Variants in PHLPP1 observed in about 807,000 individuals in gnomAD.
PHLPP1 encodes PH domain and leucine rich repeat protein phosphatase 1.
PHLPP1 carries 42 observed loss-of-function variants against 117.2 expected under a neutral mutation model. That is an observed-to-expected ratio of 0.36 (90% confidence interval 0.28 to 0.46). The LOEUF is 0.46. Among genes scored for constraint, PHLPP1 ranks in the 20% least tolerant of loss-of-function variants. The pLI, the probability that PHLPP1 is intolerant of heterozygous loss-of-function variation, is 1.00. For synonymous variants in PHLPP1, 1,042 were observed against 970.7 expected, an observed-to-expected ratio of 1.07 and a Z score of -1.37; for missense variants, 2,084 against 2,241.9, an observed-to-expected ratio of 0.93 and a Z score of 1.42.
chr18:62,727,957 G>C (rs1490611092), intron 1 of PHLPP1, among the ~76,000 whole-genome samples: 1 of 152,012 alleles, frequency 6.6e-6, no homozygotes, highest in African/African-American at 2.4e-5. Context: ...ATAAAATATT[G>C]CTTCTATGTG....
At chr18:62,935,123 T>C (rs187093697) in intron 10 of PHLPP1, among the ~76,000 whole-genome samples, 1 of 152,316 alleles carries the variant, frequency 6.6e-6, no homozygotes, top group African/African-American at 2.4e-5. Flanking sequence ...ATAGTATACT[T>C]GGAAAACCCT....
intron 14 of PHLPP1, among the ~76,000 whole-genome samples, chr18:62,966,108 A>T (rs1450735189): frequency 1.3e-5 from 2 of 152,070 alleles, no homozygotes; most frequent in Non-Finnish European, 2.9e-5. Context: ...GACCATGGGC[A>T]GTTTCTCAGT....
intron 1 of PHLPP1, among the ~76,000 whole-genome samples, chr18:62,755,272 GCT>G (rs1911979257): frequency 6.6e-6 from 1 of 151,912 alleles, no homozygotes; most frequent in Non-Finnish European, 1.5e-5. Flanking sequence ...ATCCTGTCAT[GCT>G]CTGTCAACCC....
At chr18:62,918,251 G>C (rs2144423409) in intron 9 of PHLPP1, among the ~76,000 whole-genome samples, 1 of 148,966 alleles carries the variant, frequency 6.7e-6, no homozygotes, top group East Asian at 2.0e-4. Context: ...GAAATTATTA[G>C]AGGCGGAAAT....
At position 62,978,493 on chromosome 18, in the gene PHLPP1, G is replaced by C. The variant is rs1911267302; in HGVS notation, c.4216G>C (p.Ala1406Pro). ...LAAAKKLCTLAQSYGCHDSIS... is the reference protein window; with the variant it reads ...LAAAKKLCTLPQSYGCHDSIS... Reference sequence around the variant, plus strand: ...TGCTGCCAAGAAGCTGTGTACCCTGGCCCAGAGCTACGGCTGCCACGACAG... The same window carrying C: ...TGCTGCCAAGAAGCTGTGTACCCTGCCCCAGAGCTACGGCTGCCACGACAG... Residue 1406 changes from alanine (A) to proline (P), a missense_variant, in exon 17 of 17, where the codon GCC (alanine) becomes CCC (proline). Transcript: ENST00000262719. This position sits in a 1 kb window ranked among gnomAD's most constrained non-coding sequence, Gnocchi z 7.0. The C allele has an allele frequency of 6.2e-7, 1 of 1,609,020 alleles. No individual in the cohort carries two copies. Among genetic ancestry groups the C allele is most frequent in the Non-Finnish European group, 8.5e-7 (1 of 1,177,726 alleles).
intron 10 of PHLPP1, among the ~76,000 whole-genome samples, chr18:62,920,776 G>A (rs1276874587): frequency 1.3e-5 from 2 of 152,082 alleles, no homozygotes; most frequent in Admixed American, 1.3e-4. Context: ...GGCCAGGCTG[G>A]TTTCGAACTC....
intron 1 of PHLPP1, among the ~76,000 whole-genome samples, chr18:62,814,152 G>C (rs1390382886): frequency 2.0e-5 from 3 of 152,114 alleles, no homozygotes; most frequent in African/African-American, 7.2e-5. Flanking sequence ...ATGGTAATTT[G>C]GGAGATATAA....
At chr18:62,733,820 T>C (rs1911293302) in intron 1 of PHLPP1, among the ~76,000 whole-genome samples, 1 of 152,230 alleles carries the variant, frequency 6.6e-6, no homozygotes. Flanking sequence ...AGTTCTGGGA[T>C]CCTGAATTGT....
intron 13 of PHLPP1, among the ~76,000 whole-genome samples, chr18:62,959,202 G>A (rs1910699740): frequency 6.6e-6 from 1 of 152,180 alleles, no homozygotes; most frequent in African/African-American, 2.4e-5. Flanking sequence ...AAGGTCTGCA[G>A]TAGGAAAGAT....
chr18:62,814,864 C>G (rs967865184), intron 1 of PHLPP1, among the ~76,000 whole-genome samples: 5 of 152,174 alleles, frequency 3.3e-5, no homozygotes, highest in African/African-American at 1.2e-4. Flanking sequence ...TAAAGTTTTA[C>G]TGTGTTCAGT....
Position 62,963,352 on chromosome 18 carries a change from C to T in PHLPP1, c.3456-16C>T. ...GGTTTTAATGATTCCTGTTCCCTCC[C>T]TGTTTCTCTTGTTAGTAATATCCGC... On this transcript the variant is annotated splice_polypyrimidine_tract_variant and intron_variant, in intron 13 of 16. Coordinates refer to ENST00000262719, the MANE Select transcript of PHLPP1 (RefSeq NM_194449.4). 6.4e-7 allele frequency: 1 copy of T among 1,571,058 alleles called. No individual in the cohort carries two copies. Among genetic ancestry groups the T allele is most frequent in the Non-Finnish European group, 8.7e-7 (1 of 1,144,680 alleles).
chr18:62,949,597 T>C (rs1404399327), intron 12 of PHLPP1, among the ~76,000 whole-genome samples: 2 of 152,224 alleles, frequency 1.3e-5, no homozygotes, highest in African/African-American at 4.8e-5. Context: ...AGTGGATCAT[T>C]AGTGTTATTA....
chr18:62,852,500 C>T (rs62098644), intron 3 of PHLPP1, among the ~76,000 whole-genome samples: 1 of 152,112 alleles, frequency 6.6e-6, no homozygotes, highest in African/African-American at 2.4e-5. Context: ...CCTGCCGCCA[C>T]GCCCGGCTAA....
rs60058262 is a variant in PHLPP1 at position 62,766,076 on chromosome 18, AATATATATATAT to A, written c.1576+48833_1576+48844del. Among the ~76,000 whole-genome samples, 49 of 21,662 alleles carry A rather than the reference AATATATATATAT, an allele frequency of 2.3e-3. 6 individuals are homozygous for A. The East Asian group carries it at 0.16, about 70-fold the overall frequency. The allele number at this position is 21,662 out of a possible 152,430, so 14.2% of individuals were successfully genotyped here. On this transcript the variant is annotated intron_variant, in intron 1 of 16. Coordinates refer to ENST00000262719, the MANE Select transcript of PHLPP1 (RefSeq NM_194449.4). ...ACTCCATCTCAAAAAAAAAAAAAAA[AATATATATATAT>A]ATATATATATATATAAAATATATAT...
chr18:62,790,430 G>C (rs1380738622), intron 1 of PHLPP1, among the ~76,000 whole-genome samples: 2 of 152,060 alleles, frequency 1.3e-5, no homozygotes, highest in African/African-American at 2.4e-5. Context: ...TCAAGAAAAG[G>C]TACTTGCTAT....
intron 1 of PHLPP1, among the ~76,000 whole-genome samples, chr18:62,808,433 CAT>C (rs1914014149): frequency 6.6e-6 from 1 of 152,006 alleles, no homozygotes; most frequent in Non-Finnish European, 1.5e-5. Flanking sequence ...TACATGATTA[CAT>C]ATATTGATAA....
intron 1 of PHLPP1, among the ~76,000 whole-genome samples, chr18:62,766,076 A>AATATATATATATATATATATATATATAT (rs60058262): frequency 6.0e-4 from 13 of 21,620 alleles, no homozygotes; most frequent in East Asian, 3.3e-3. Context: ...AAAAAAAAAA[A>AATATATATATATATATATATATATATAT]ATATATATAT....
At chr18:62,822,281 T>TG (rs1568128069) in intron 1 of PHLPP1, among the ~76,000 whole-genome samples, 2 of 110,608 alleles carry the variant, frequency 1.8e-5, no homozygotes, top group East Asian at 4.8e-4. Context: ...TTTTTTTTTG[T>TG]TTTTGTTTTT....
At chr18:62,872,722 C>T (rs1915934105) in intron 4 of PHLPP1, among the ~76,000 whole-genome samples, 1 of 150,716 alleles carries the variant, frequency 6.6e-6, no homozygotes, top group African/African-American at 2.4e-5. Flanking sequence ...CGTGGTGGCT[C>T]ACGCCTGTAA....
Sources: gnomAD v4.1 joint callset for allele counts (sites outside exome capture counted in the v4.1 genomes callset) on GRCh38, gnomAD v4.1.1 for gene constraint, Gnocchi (gnomAD v3.1) non-coding constraint, MANE v1.5 for transcripts, NCBI Gene and HGNC (gene_info 2026-07-23, HGNC 2026-07-21) for gene names.